The following BOD1L1 variants were observed in gnomAD, a reference collection of about 807,000 sequenced individuals.
The protein encoded by BOD1L1 is biorientation of chromosomes in cell division protein 1-like 1.
BOD1L1 carries 86 observed loss-of-function variants against 240.7 expected under a neutral mutation model. The ratio of observed to expected loss-of-function variants is 0.36; its 90% CI spans 0.30 to 0.43. The LOEUF is 0.43. Ranked by LOEUF, BOD1L1 falls within the 20% of genes least tolerant of loss-of-function variation. The pLI, the probability that BOD1L1 is intolerant of heterozygous loss-of-function variation, is 1.00. For synonymous variants in BOD1L1, 1,268 were observed against 1,272.3 expected, an observed-to-expected ratio of 1.00 and a Z score of 0.07; for missense variants, 3,554 against 3,643.5, an observed-to-expected ratio of 0.98 and a Z score of 0.63.
chr4:13,603,126 G>T lies in BOD1L1; in HGVS notation c.3774C>A (p.Asn1258Lys), dbSNP rs755251337. ...GAGCAACATGTTCTTCAGCAGCTGT[G>T]TTTTTCAAATTCTTCTGTACCCTAT... ...ENDRVQKNLK[N>K]TAAEEHVAQG... The change falls in exon 10 of 26, where the codon AAC becomes AAA. Residue 1258 changes from asparagine to lysine, a missense_variant. Asn to Lys is a moderately conservative substitution (Grantham distance 94, BLOSUM62 0). Transcript: ENST00000040738. 76 of 1,614,004 alleles carry T rather than the reference G, an allele frequency of 4.7e-5. 1 individual carries two copies. The highest frequency in any genetic ancestry group is 8.3e-5 in the Admixed American group (5 of 60,018).
chr4:13,587,800 C>T, intron 15 of BOD1L1, 29 bp from the exon 16 acceptor site: 2 of 1,422,294 alleles, frequency 1.4e-6, no homozygotes, highest in Non-Finnish European at 1.9e-6. Context: ...ATATCAAAGG[C>T]CATAGAATCT....
intron 25 of BOD1L1, 123 bp from the exon 26 acceptor site, chr4:13,570,251 C>G: frequency 1.6e-6 from 1 of 628,130 alleles, no homozygotes; most frequent in Non-Finnish European, 2.5e-6. Flanking sequence ...AACCCAGTAA[C>G]ATTTATACAT....
rs1371445889 is a variant in BOD1L1, at chr4:13,604,278, A to T, written c.2622T>A (p.Asp874Glu). Residue 874 changes from aspartate (D) to glutamate (E), a missense_variant, in exon 10 of 26, where the codon GAT (aspartate) becomes GAA (glutamate). Physicochemically the swap from Asp to Glu is conservative, Grantham distance 45 (BLOSUM62 2). Around this residue, in one of 2 missense-constraint regions of BOD1L1, gnomAD observed 3,393 missense variants for 3,427.1 expected, o/e 0.99. Coordinates refer to ENST00000040738, the MANE Select transcript of BOD1L1 (RefSeq NM_148894.3). ...TGTTAGTGGAGTCCATATCACACTTATCTTCCGAATAACTTTCACTTCTTC... is the reference window on the plus strand; with the variant it reads ...TGTTAGTGGAGTCCATATCACACTTTTCTTCCGAATAACTTTCACTTCTTC... ...LQRRSESYSEDKCDMDSTNMD... is the reference protein window; with the variant it reads ...LQRRSESYSEEKCDMDSTNMD... The T allele has an allele frequency of 5.0e-6, 8 of 1,608,118 alleles. No individual in the cohort carries two copies. Among genetic ancestry groups the T allele is most frequent in the Non-Finnish European group, 6.8e-6 (8 of 1,178,574 alleles).
intron 17 of BOD1L1, among the ~76,000 whole-genome samples, chr4:13,583,028 T>G (rs908948087): frequency 6.6e-6 from 1 of 152,218 alleles, no homozygotes; most frequent in Non-Finnish European, 1.5e-5. Context: ...ACTTGGATTT[T>G]GTCTTTTTAA....
rs180796279 is a variant in BOD1L1 at position 13,581,119 on chromosome 4, A to G, written c.8668+13T>C. The G allele has an allele frequency of 4.4e-4, 692 of 1,571,998 alleles. 4 individuals are homozygous for G. In the African/African-American group the frequency reaches 8.6e-3, roughly 20 times the overall value. ...TTTCTTGTGTGTGAACTGAAAACAC[A>G]CCAAGTACCTACTCATTTTTAACGT... On this transcript the variant is annotated intron_variant, in intron 20 of 25. Coordinates refer to ENST00000040738, the MANE Select transcript of BOD1L1 (RefSeq NM_148894.3).
intron 11 of BOD1L1, among the ~76,000 whole-genome samples, chr4:13,596,357 T>G (rs1714620854): frequency 6.6e-6 from 1 of 152,056 alleles, no homozygotes; most frequent in Admixed American, 6.6e-5. Flanking sequence ...CTTTTCTTTC[T>G]TTTCTGGGAA....
Position 13,602,485 on chromosome 4 carries a change from TCAA to T in BOD1L1, c.4412_4414del (p.Ile1471_Asp1472delinsAsn), listed in dbSNP as rs753279797. 50 of 1,613,878 alleles carry T rather than the reference TCAA, an allele frequency of 3.1e-5. No individual in the cohort carries two copies. Among genetic ancestry groups the T allele is most frequent in the Non-Finnish European group, 4.1e-5 (48 of 1,179,888 alleles). ...ACTGTTTTCATTCCTTCTTTCAACA[TCAA>T]TTGATATGTCTTTTACTTTACCTGG... On this transcript the variant is annotated inframe_deletion, in exon 10 of 26. Coordinates refer to ENST00000040738, the MANE Select transcript of BOD1L1 (RefSeq NM_148894.3).
At position 13,602,412 on chromosome 4, in the gene BOD1L1, G is replaced by A; in HGVS notation, c.4488C>T (p.His1496=). Residue 1496 remains histidine (H), a synonymous_variant, in exon 10 of 26, where the codon CAC becomes CAT. Transcript: ENST00000040738. ...AGSGSAPSVL[H]QRNGQTEDVA... ...CATCCTCAGTTTGTCCGTTCCTTTG[G>A]TGTAAAACAGAGGGTGCAGAGCCAC... 6.2e-7 allele frequency: 1 copy of A among 1,613,964 alleles called. No individual in the cohort carries two copies. The highest frequency in any genetic ancestry group is 8.5e-7 in the Non-Finnish European group (1 of 1,179,888).
intron 1 of BOD1L1, among the ~76,000 whole-genome samples, chr4:13,626,698 C>T (rs972209862): frequency 6.6e-6 from 1 of 152,182 alleles, no homozygotes; most frequent in Non-Finnish European, 1.5e-5. Flanking sequence ...TGTCCTTTCT[C>T]CACTTCAGTA....
intron 6 of BOD1L1, among the ~76,000 whole-genome samples, chr4:13,610,133 A>T (rs1716041463): frequency 6.6e-6 from 1 of 152,202 alleles, no homozygotes; most frequent in African/African-American, 2.4e-5. Context: ...CATATTTTAC[A>T]ACTTTTCATA....
At chr4:13,585,169 T>C (rs549088721) in intron 17 of BOD1L1, among the ~76,000 whole-genome samples, 2 of 152,330 alleles carry the variant, frequency 1.3e-5, no homozygotes, top group Admixed American at 6.5e-5. Flanking sequence ...TTTCTTCCTT[T>C]GGTCAGAACC....
In BOD1L1 at chr4:13,600,305, G is replaced by C; in HGVS notation, c.6595C>G (p.Pro2199Ala). The change falls in exon 10 of 26, where the codon CCA becomes GCA. Residue 2199 changes from proline to alanine, a missense_variant. This residue lies in a region of BOD1L1 where 3,393 missense variants were observed against 3,427.1 expected (regional missense o/e 0.99). Coordinates refer to ENST00000040738, the MANE Select transcript of BOD1L1 (RefSeq NM_148894.3). The part of the protein sequence containing the change: ...DFEGPMPSAP[P>A]EAESPLASTS... ...GAGGCAAGAGGACTTTCAGCTTCTG[G>C]GGGCGCACTGGGCATAGGCCCCTCA... 6.2e-7 allele frequency: 1 copy of C among 1,613,996 alleles called. No individual in the cohort carries two copies. Among genetic ancestry groups the C allele is most frequent in the South Asian group, 1.1e-5 (1 of 91,080 alleles).
At chr4:13,620,123 C>G in intron 1 of BOD1L1, 56 bp from the exon 2 acceptor site, 2 of 1,483,154 alleles carry the variant, frequency 1.3e-6, no homozygotes, top group Middle Eastern at 1.8e-4. Context: ...CAATATTCAC[C>G]TCTCAGAAAA....
chr4:13,620,233 G>T (rs1193309324), intron 1 of BOD1L1, among the ~76,000 whole-genome samples, 166 bp from the exon 2 acceptor site: 1 of 152,144 alleles, frequency 6.6e-6, no homozygotes, highest in Admixed American at 6.5e-5. Context: ...TGTAAGACAA[G>T]GTGTTTGGAG....
intron 9 of BOD1L1, among the ~76,000 whole-genome samples, chr4:13,606,456 T>C (rs1357696738): frequency 2.1e-5 from 2 of 96,782 alleles, no homozygotes; most frequent in South Asian, 4.0e-4. Flanking sequence ...CTACAGATAA[T>C]GTGGTTTTTG....
chr4:13,571,944 A>C (rs1312427096), intron 25 of BOD1L1, among the ~76,000 whole-genome samples: 1 of 152,218 alleles, frequency 6.6e-6, no homozygotes, highest in South Asian at 2.1e-4. Context: ...ACATACATAC[A>C]AGTATGCTGT....
chr4:13,576,835 T>C lies in BOD1L1; in HGVS notation c.9038+3A>G. On this transcript the variant is annotated splice_donor_region_variant and intron_variant, in intron 25 of 25. Transcript: ENST00000040738. ...TCTGGCAGCTCTGTGCTGCCCCCATTACCTCTGAGCCTCTGATCTGGTGGT... is the reference window on the plus strand; with the variant it reads ...TCTGGCAGCTCTGTGCTGCCCCCATCACCTCTGAGCCTCTGATCTGGTGGT... 2 of 1,612,770 alleles carry C rather than the reference T, an allele frequency of 1.2e-6. No homozygotes were observed. The highest frequency in any genetic ancestry group is 1.7e-6 in the Non-Finnish European group (2 of 1,179,444).
In BOD1L1 at chr4:13,577,398, C is replaced by T. The variant is rs775316763; in HGVS notation, c.8884+5G>A. 19 of 1,610,668 alleles carry T rather than the reference C, an allele frequency of 1.2e-5. No individual in the cohort carries two copies. The Admixed American group carries it at 2.5e-4, about 21-fold the overall frequency. On this transcript the variant is annotated splice_donor_5th_base_variant and intron_variant, in intron 24 of 25. Transcript: ENST00000040738. ...AGACTTATTAAGAATTTGCTAGAAACATACCAGCATCATCTGATACAGTGA... is the reference window on the plus strand; with the variant it reads ...AGACTTATTAAGAATTTGCTAGAAATATACCAGCATCATCTGATACAGTGA...
In BOD1L1 at chr4:13,577,457, C is replaced by T. The variant is rs28538279; in HGVS notation, c.8830G>A (p.Val2944Met). ...TTGGGTTTTCTTCCTCTCCGACGCA[C>T]ACTTGTTACTATTTTTTCTTCACCA... ...DDGEEKIVTS[V>M]RRRGRKPKRS... is the part of the protein sequence containing the mutation. The change falls in exon 24 of 26, where the codon GTG becomes ATG. Residue 2944 changes from valine to methionine, a missense_variant. Val to Met is a conservative substitution (Grantham distance 21, BLOSUM62 1). This residue lies in a region of BOD1L1 where 3,393 missense variants were observed against 3,427.1 expected (regional missense o/e 0.99). Transcript: ENST00000040738. 6,544 of 1,613,678 alleles carry T rather than the reference C, an allele frequency of 4.1e-3. 229 individuals are homozygous for T. The African/African-American group carries it at 0.075, about 19-fold the overall frequency.
Sources: allele counts gnomAD v4.1 joint callset (sites outside exome capture counted in the v4.1 genomes callset), GRCh38; gene constraint gnomAD v4.1.1; regional missense constraint gnomAD v4.1.1; transcripts MANE v1.5; gene names NCBI Gene and HGNC (gene_info 2026-07-23, HGNC 2026-07-21).